Variants in ADAMTS18 observed in about 807,000 individuals in gnomAD.
ADAMTS18 encodes ADAM metallopeptidase with thrombospondin type 1 motif 18.
ADAMTS18 carries 157 observed loss-of-function variants against 165.9 expected under a neutral mutation model. The observed-to-expected ratio is 0.95, with a 90% CI of 0.83 to 1.08. The LOEUF (loss-of-function observed/expected upper bound fraction) is 1.08, where lower values mean the gene tolerates loss of function less well. Ranked by LOEUF, ADAMTS18 falls within the 50% of genes least tolerant of loss-of-function variation. The probability of loss-of-function intolerance (pLI) is 0.00; values close to 1 mark genes in which losing one functional copy is unlikely to be tolerated. For missense variants in ADAMTS18, 2,040 were observed against 1,534.0 expected, an observed-to-expected ratio of 1.33 and a Z score of -5.51; for synonymous variants, 782 against 578.2, an observed-to-expected ratio of 1.35 and a Z score of -5.06.
chr16:77,354,708 T>G (rs1227629749), intron 9 of ADAMTS18, among the ~76,000 whole-genome samples: 2 of 152,214 alleles, frequency 1.3e-5, no homozygotes, highest in Non-Finnish European at 2.9e-5. Flanking sequence ...GTTACACAGT[T>G]CAAATGAGAA....
intron 17 of ADAMTS18, among the ~76,000 whole-genome samples, chr16:77,298,143 C>A (rs919717586): frequency 6.6e-6 from 1 of 151,834 alleles, no homozygotes; most frequent in African/African-American, 2.4e-5. Context: ...GTCTTGAACT[C>A]CTGACCTCAG....
rs1263485639 is a variant in ADAMTS18 at position 77,355,965 on chromosome 16, G to A, written c.1435C>T (p.Arg479Cys). 7 of 1,613,912 alleles carry A rather than the reference G, an allele frequency of 4.3e-6. No homozygotes were observed. Among genetic ancestry groups the A allele is most frequent in the East Asian group, 4.5e-5 (2 of 44,874 alleles). ...NGVFSWSSCSRQYLKKFLSTP... is the reference protein window; with the variant it reads ...NGVFSWSSCSCQYLKKFLSTP... ...CTGAGGAATTTCTTGAGATACTGGC[G>A]GCTGCAGGAAGACCATGAAAACACT... The change falls in exon 9 of 23, where the codon CGC (arginine) becomes TGC (cysteine). Residue 479 changes from arginine (R) to cysteine (C), a missense_variant. By Grantham distance (180) the Arg-to-Cys change is radical. Coordinates refer to ENST00000282849, the MANE Select transcript of ADAMTS18 (RefSeq NM_199355.4).
intron 3 of ADAMTS18, among the ~76,000 whole-genome samples, chr16:77,369,465 G>A (rs556786566): frequency 6.6e-6 from 1 of 152,210 alleles, no homozygotes; most frequent in Non-Finnish European, 1.5e-5. Context: ...TTGGATGTAG[G>A]TGGTTAACGC....
chr16:77,425,756 G>T (rs895502007), intron 3 of ADAMTS18, among the ~76,000 whole-genome samples: 4 of 152,214 alleles, frequency 2.6e-5, no homozygotes, highest in African/African-American at 7.2e-5. Context: ...AAAAGAGGAG[G>T]AGTGGGCCGG....
intron 3 of ADAMTS18, among the ~76,000 whole-genome samples, chr16:77,398,978 A>G (rs1375911845): frequency 6.6e-6 from 1 of 152,190 alleles, no homozygotes; most frequent in Non-Finnish European, 1.5e-5. Context: ...AGGTATGTAG[A>G]AATAGAACTG....
At chr16:77,402,035 G>T (rs1488538124) in intron 3 of ADAMTS18, among the ~76,000 whole-genome samples, 1 of 152,090 alleles carries the variant, frequency 6.6e-6, no homozygotes, top group Non-Finnish European at 1.5e-5. Flanking sequence ...TTTGCAGACA[G>T]CATATTGTGG....
At chr16:77,400,575 G>A (rs182200819) in intron 3 of ADAMTS18, among the ~76,000 whole-genome samples, 467 of 150,968 alleles carry the variant, frequency 3.1e-3, no homozygotes, top group Non-Finnish European at 5.3e-3. Flanking sequence ...TCCGCCTCCC[G>A]GGTTCACGCC....
chr16:77,345,185 C>T (rs1387352175), intron 10 of ADAMTS18, among the ~76,000 whole-genome samples: 1 of 152,102 alleles, frequency 6.6e-6, no homozygotes, highest in Non-Finnish European at 1.5e-5. Context: ...TCAAGTAAAA[C>T]CTGACATGCT....
chr16:77,314,625 A>G (rs79277734), intron 16 of ADAMTS18, among the ~76,000 whole-genome samples: 66,695 of 131,772 alleles, frequency 0.51, 18,026 homozygotes, highest in Non-Finnish European at 0.54. Context: ...AAAAAAAAAA[A>G]TGTGTGTGTA....
intron 12 of ADAMTS18, among the ~76,000 whole-genome samples, chr16:77,330,926 T>G (rs75914316): frequency 0.021 from 3,131 of 152,104 alleles, 47 homozygotes; most frequent in Non-Finnish European, 0.031. Context: ...TAACTTGAAA[T>G]AGGGAGAAAA....
At chr16:77,408,400 A>G (rs530290607) in intron 3 of ADAMTS18, among the ~76,000 whole-genome samples, 1 of 152,300 alleles carries the variant, frequency 6.6e-6, no homozygotes, top group East Asian at 1.9e-4. Context: ...ACCTGCAAAA[A>G]GAATAGTCAC....
chr16:77,357,922 G>A (rs1183576668), intron 8 of ADAMTS18, among the ~76,000 whole-genome samples: 3 of 152,012 alleles, frequency 2.0e-5, no homozygotes, highest in Admixed American at 6.6e-5. Context: ...CTAAAATGTT[G>A]GATTTTGATT....
intron 3 of ADAMTS18, 72 bp from the exon 4 acceptor site, chr16:77,367,795 C>A: frequency 6.4e-7 from 1 of 1,568,818 alleles, no homozygotes; most frequent in African/African-American, 1.3e-5. Context: ...TTTTCAACAA[C>A]TGCTTCTGAC....
intron 3 of ADAMTS18, among the ~76,000 whole-genome samples, chr16:77,389,175 C>A (rs1010864738): frequency 4.2e-4 from 64 of 152,224 alleles, no homozygotes; most frequent in South Asian, 2.1e-4. Flanking sequence ...GTTGCACATA[C>A]CTGTGGTCTC....
At chr16:77,364,550 G>A (rs1181353767) in intron 4 of ADAMTS18, among the ~76,000 whole-genome samples, 169 bp from the exon 5 acceptor site, 2 of 144,890 alleles carry the variant, frequency 1.4e-5, no homozygotes, top group African/African-American at 5.2e-5. Context: ...CATCTAGTAT[G>A]TGGTCAAGAA....
At chr16:77,433,004 T>C (rs556136434) in intron 2 of ADAMTS18, among the ~76,000 whole-genome samples, 4 of 152,220 alleles carry the variant, frequency 2.6e-5, no homozygotes, top group African/African-American at 4.8e-5. Context: ...TGCTGTATAA[T>C]TGACATACAT....
In ADAMTS18 at chr16:77,353,814, T is replaced by C. The variant is rs752849727; in HGVS notation, c.1533A>G (p.Pro511=). ...AGQYKYPDKL[P]GQIYDADTQC... is the part of the protein sequence containing the mutation. ...GTGTGTCAGCATCATAAATCTGTCC[T>C]GGTAGTTTGTCCGGATATTTATACT... The change falls in exon 10 of 23, where the codon CCA becomes CCG. Residue 511 remains proline, a synonymous_variant. Coordinates refer to ENST00000282849, the MANE Select transcript of ADAMTS18 (RefSeq NM_199355.4). 2 of 1,614,094 alleles carry C rather than the reference T, an allele frequency of 1.2e-6. No individual in the cohort carries two copies. The highest frequency in any genetic ancestry group is 4.5e-5 in the East Asian group (2 of 44,888).
chr16:77,359,549 GAAAAAAA>G, intron 7 of ADAMTS18, 126 bp from the exon 8 acceptor site: 1 of 301,800 alleles, frequency 3.3e-6, no homozygotes, highest in Admixed American at 3.8e-5. Context: ...AGTGTTTTTG[GAAAAAAA>G]AAAAAAAAAA....
intron 3 of ADAMTS18, among the ~76,000 whole-genome samples, chr16:77,423,123 G>C (rs2057625170): frequency 6.6e-6 from 1 of 152,152 alleles, no homozygotes; most frequent in African/African-American, 2.4e-5. Context: ...TCCTTTTGAA[G>C]TGCCTTACTA....
Sources: gnomAD v4.1 joint callset for allele counts (sites outside exome capture counted in the v4.1 genomes callset) on GRCh38, gnomAD v4.1.1 for gene constraint, MANE v1.5 for transcripts, NCBI Gene and HGNC (gene_info 2026-07-23, HGNC 2026-07-21) for gene names.